CYTH3: variants seen among roughly 807,000 people sequenced by gnomAD.
CYTH3 encodes the protein cytohesin 3.
Under a neutral mutation model 55.1 loss-of-function variants are expected in CYTH3, and 23 were observed. The ratio of observed to expected loss-of-function variants is 0.42; its 90% CI spans 0.30 to 0.59. The LOEUF is 0.59. Ranked by LOEUF, CYTH3 falls within the 20% of genes least tolerant of loss-of-function variation. The pLI is 0.20. For synonymous variants in CYTH3, 249 were observed against 194.9 expected (o/e 1.28, Z -2.31); for missense variants, 413 against 524.8 (o/e 0.79, Z 2.08).
chr7:6,196,880 G>A (rs1017987958), intron 1 of CYTH3, among the ~76,000 whole-genome samples: 10 of 152,144 alleles, frequency 6.6e-5, no homozygotes, highest in African/African-American at 9.7e-5. Flanking sequence ...CAACATTTAC[G>A]AAAAGAATTT....
At chr7:6,218,732 C>T (rs995127634) in intron 1 of CYTH3, among the ~76,000 whole-genome samples, 3 of 152,152 alleles carry the variant, frequency 2.0e-5, no homozygotes, top group African/African-American at 7.2e-5. Flanking sequence ...ACTTGCCAGG[C>T]ACGGTGGCTC....
At chr7:6,236,626 T>G (rs769844256) in intron 1 of CYTH3, among the ~76,000 whole-genome samples, 2 of 152,058 alleles carry the variant, frequency 1.3e-5, no homozygotes, top group Non-Finnish European at 2.9e-5. Context: ...TGGCATGATC[T>G]CAGCTCACTG....
intron 1 of CYTH3, among the ~76,000 whole-genome samples, chr7:6,233,423 G>A (rs148701825): frequency 1.4e-4 from 21 of 152,218 alleles, no homozygotes; most frequent in East Asian, 1.2e-3. Flanking sequence ...TTGGGAGGCC[G>A]AGGAGGGCAG....
intron 1 of CYTH3, among the ~76,000 whole-genome samples, chr7:6,253,397 T>G (rs1456760180): frequency 6.6e-6 from 1 of 151,816 alleles, no homozygotes; most frequent in African/African-American, 2.4e-5. Flanking sequence ...TTAGTAGAGA[T>G]AGGGTTTCAC....
At chr7:6,215,952 C>T (rs1344778498) in intron 1 of CYTH3, among the ~76,000 whole-genome samples, 1 of 152,124 alleles carries the variant, frequency 6.6e-6, no homozygotes, top group Non-Finnish European at 1.5e-5. Context: ...GTGAAGTTAT[C>T]CTTTGGGAAT....
intron 4 of CYTH3, among the ~76,000 whole-genome samples, chr7:6,179,895 CCCACACACAA>C (rs761394954): frequency 7.0e-4 from 84 of 119,672 alleles, no homozygotes; most frequent in South Asian, 4.5e-3. Flanking sequence ...ACCACACACA[CCCACACACAA>C]CCACACACAC....
At position 6,259,772 on chromosome 7, in the gene CYTH3, T is replaced by TATATAA. The variant is rs1491219669; in HGVS notation, c.34+12701_34+12702insTTATAT. On this transcript the variant is annotated intron_variant, in intron 1 of 12. Transcript: ENST00000350796. ...TATATATATATTATATATATATATA[T>TATATAA]TATATATATATAATATATATATATA... is the stretch of plus-strand genomic sequence containing the variant. 3.0e-4 allele frequency among the ~76,000 whole-genome samples: 9 copies of TATATAA among 30,502 alleles called. 1 individual carries two copies. Among genetic ancestry groups the TATATAA allele is most frequent in the African/African-American group, 2.5e-3 (8 of 3,214 alleles). The allele number at this position is 30,502 out of a possible 152,430, so 20.0% of individuals were successfully genotyped here. A position where few individuals can be genotyped will look rare whatever the true frequency, so the allele number is the denominator to read the frequency against.
intron 1 of CYTH3, among the ~76,000 whole-genome samples, chr7:6,238,452 T>C (rs1779583328): frequency 6.6e-6 from 1 of 152,204 alleles, no homozygotes; most frequent in African/African-American, 2.4e-5. Context: ...CTAATGAAAG[T>C]ACTATGCTTA....
chr7:6,184,563 G>A (rs1783589688), intron 4 of CYTH3, among the ~76,000 whole-genome samples: 1 of 152,116 alleles, frequency 6.6e-6, no homozygotes. Context: ...CTGATGCACA[G>A]TAGTGGCATC....
At chr7:6,215,313 A>T (rs6958932) in intron 1 of CYTH3, among the ~76,000 whole-genome samples, 1 of 152,088 alleles carries the variant, frequency 6.6e-6, no homozygotes, top group African/African-American at 2.4e-5. Context: ...AGGACAGGCC[A>T]GGTGCGGTGG....
chr7:6,180,385 C>A (rs1399314620), intron 4 of CYTH3, among the ~76,000 whole-genome samples: 1 of 152,206 alleles, frequency 6.6e-6, no homozygotes, highest in Non-Finnish European at 1.5e-5. Context: ...AGAAGCTCTG[C>A]GTTCAATCAC....
rs1192563527 is a variant in CYTH3 at position 6,259,800 on chromosome 7, T to TA, written c.34+12673dup. 1.6e-3 allele frequency among the ~76,000 whole-genome samples: 42 copies of TA among 25,492 alleles called. 1 individual carries two copies. The highest frequency in any genetic ancestry group is 1.7e-3 in the Non-Finnish European group (32 of 18,474). The allele number at this position is 25,492 out of a possible 152,430, so 16.7% of individuals were successfully genotyped here. A position where few individuals can be genotyped will look rare whatever the true frequency, so the allele number is the denominator to read the frequency against. On this transcript the variant is annotated intron_variant, in intron 1 of 12. Coordinates refer to ENST00000350796, the MANE Select transcript of CYTH3 (RefSeq NM_004227.4). ...TATATATATAATATATATATATATATATATATATATATAATATATATATAT... is the reference window on the plus strand; with the variant it reads ...TATATATATAATATATATATATATATAATATATATATATAATATATATATAT...
At chr7:6,226,890 C>T (rs1034362932) in intron 1 of CYTH3, among the ~76,000 whole-genome samples, 1 of 152,038 alleles carries the variant, frequency 6.6e-6, no homozygotes, top group East Asian at 1.9e-4. Context: ...ACCATCCTGG[C>T]TAACACGGTG....
At chr7:6,192,891 C>T (rs1783835727) in intron 1 of CYTH3, among the ~76,000 whole-genome samples, 1 of 151,958 alleles carries the variant, frequency 6.6e-6, no homozygotes, top group East Asian at 2.0e-4. Flanking sequence ...GCAAATGGGG[C>T]CAGACACAGT....
At chr7:6,249,145 T>C (rs940216554) in intron 1 of CYTH3, among the ~76,000 whole-genome samples, 7 of 152,190 alleles carry the variant, frequency 4.6e-5, no homozygotes, top group Non-Finnish European at 8.8e-5. Flanking sequence ...TGTAGGTAAC[T>C]TTTCTCACTC....
chr7:6,194,706 G>A (rs1227855244), intron 1 of CYTH3, among the ~76,000 whole-genome samples: 4 of 151,508 alleles, frequency 2.6e-5, no homozygotes, highest in Non-Finnish European at 5.9e-5. Flanking sequence ...GGCCGGGCAC[G>A]TGGCTCACGC....
intron 1 of CYTH3, among the ~76,000 whole-genome samples, chr7:6,229,023 T>A (rs1488706976): frequency 6.6e-6 from 1 of 152,112 alleles, no homozygotes; most frequent in African/African-American, 2.4e-5. Context: ...TGTAGACATA[T>A]GAAGATAACC....
chr7:6,184,855 C>T (rs143201111), intron 4 of CYTH3, among the ~76,000 whole-genome samples: 30 of 152,146 alleles, frequency 2.0e-4, no homozygotes, highest in East Asian at 7.8e-4. Context: ...TGGGATTATA[C>T]GCGTAAGCCA....
At chr7:6,185,491 T>C (rs1190704378) in intron 4 of CYTH3, among the ~76,000 whole-genome samples, 1 of 151,884 alleles carries the variant, frequency 6.6e-6, no homozygotes, top group Non-Finnish European at 1.5e-5. Context: ...GGTCAGGAGA[T>C]CGAGACCATC....
Sources: gnomAD v4.1 joint callset for allele counts (sites outside exome capture counted in the v4.1 genomes callset) on GRCh38, gnomAD v4.1.1 for gene constraint, MANE v1.5 for transcripts, NCBI Gene and HGNC (gene_info 2026-07-23, HGNC 2026-07-21) for gene names.